Variants in ACVR1C observed in about 807,000 individuals in gnomAD.
ACVR1C encodes activin receptor type-1C.
A neutral mutation model predicts 57.9 loss-of-function variants in ACVR1C; 23 were observed. The ratio of observed to expected loss-of-function variants is 0.40; its 90% CI spans 0.29 to 0.56. ACVR1C has a LOEUF of 0.56. Ranked by LOEUF, ACVR1C falls within the 20% of genes least tolerant of loss-of-function variation. The probability of loss-of-function intolerance (pLI) is 0.50; values close to 1 mark genes in which losing one functional copy is unlikely to be tolerated. For synonymous variants in ACVR1C, 214 were observed against 215.3 expected (o/e 0.99, Z 0.05); for missense variants, 480 against 607.9 (o/e 0.79, Z 2.21).
intron 1 of ACVR1C, among the ~76,000 whole-genome samples, chr2:157,602,756 T>C (rs917319425): frequency 2.0e-5 from 3 of 152,302 alleles, no homozygotes; most frequent in South Asian, 2.1e-4. Flanking sequence ...TCAATTTTTA[T>C]ATATGCATTG....
intron 5 of ACVR1C, 68 bp downstream of exon 5, chr2:157,544,377 T>A: frequency 7.0e-7 from 1 of 1,419,226 alleles, no homozygotes; most frequent in East Asian, 2.5e-5. Flanking sequence ...TCCTAATAAA[T>A]TAAAATATAA....
rs1338899119 is a variant in ACVR1C, at chr2:157,628,682, G to C, written c.-38C>G. The C allele has an allele frequency of 2.7e-6, 4 of 1,507,466 alleles. No individual in the cohort carries two copies. The South Asian group carries it at 3.8e-5, about 14-fold the overall frequency. 93.4% of individuals were successfully genotyped at this position (1,507,466 alleles called of 1,614,324 possible). A position where few individuals can be genotyped will look rare whatever the true frequency, so the allele number is the denominator to read the frequency against. ...GCCGCGCCGGGGCTGCGAGGCCCCA[G>C]AGCAGAGCGAGGCAGCCGGGGCAGC... On this transcript the variant is annotated 5_prime_UTR_variant, in exon 1 of 9. Transcript: ENST00000243349.
intron 1 of ACVR1C, among the ~76,000 whole-genome samples, chr2:157,619,057 G>A (rs914357180): frequency 2.0e-4 from 31 of 151,778 alleles, no homozygotes; most frequent in African/African-American, 7.2e-4. Flanking sequence ...TGACCTAAAT[G>A]ACACTTACAG....
intron 1 of ACVR1C, among the ~76,000 whole-genome samples, chr2:157,608,788 G>A (rs1461552555): frequency 6.6e-6 from 1 of 151,670 alleles, no homozygotes; most frequent in Non-Finnish European, 1.5e-5. Context: ...AGTCTCTGAT[G>A]GTCTTTTGTA....
intron 2 of ACVR1C, among the ~76,000 whole-genome samples, chr2:157,578,974 A>G (rs930378176): frequency 6.6e-6 from 1 of 152,242 alleles, no homozygotes; most frequent in Non-Finnish European, 1.5e-5. Flanking sequence ...ACTTAACATT[A>G]TATTCAATTA....
chr2:157,619,233 C>G (rs1263571380), intron 1 of ACVR1C, among the ~76,000 whole-genome samples: 2 of 149,720 alleles, frequency 1.3e-5, no homozygotes, highest in African/African-American at 4.9e-5. Flanking sequence ...AAGTAGAATT[C>G]TGTAAAAAAA....
intron 2 of ACVR1C, among the ~76,000 whole-genome samples, chr2:157,561,727 C>A (rs1573920939): frequency 6.6e-6 from 1 of 152,318 alleles, no homozygotes; most frequent in African/African-American, 2.4e-5. Flanking sequence ...CCTCCCTTAA[C>A]CTGCCACTTC....
At chr2:157,559,409 G>A (rs1446146043) in intron 2 of ACVR1C, among the ~76,000 whole-genome samples, 2 of 151,546 alleles carry the variant, frequency 1.3e-5, no homozygotes, top group Non-Finnish European at 2.9e-5. Context: ...CCCTAGGGGG[G>A]ATAAATGAAA....
chr2:157,565,710 G>A (rs1039288762), intron 2 of ACVR1C, among the ~76,000 whole-genome samples: 11 of 152,168 alleles, frequency 7.2e-5, no homozygotes, highest in Admixed American at 3.9e-4. Context: ...GTCTATAAAC[G>A]GCTATTTGCA....
chr2:157,584,720 G>T (rs1267979130), intron 2 of ACVR1C, among the ~76,000 whole-genome samples: 1 of 152,144 alleles, frequency 6.6e-6, no homozygotes, highest in Admixed American at 6.5e-5. Context: ...ATGTGACCCT[G>T]CAATTCCACT....
intron 1 of ACVR1C, among the ~76,000 whole-genome samples, chr2:157,600,389 A>G (rs1364714269): frequency 5.9e-5 from 9 of 152,248 alleles, no homozygotes; most frequent in Admixed American, 5.2e-4. Context: ...GTTCCAAACT[A>G]AAAGCTAAGA....
chr2:157,540,352 A>G (rs965299479), intron 7 of ACVR1C, among the ~76,000 whole-genome samples: 3 of 151,400 alleles, frequency 2.0e-5, no homozygotes, highest in African/African-American at 4.9e-5. Context: ...TCTTCCTCTC[A>G]TTATTAAGTA....
At position 157,533,880 on chromosome 2, in the gene ACVR1C, A is replaced by G; in HGVS notation, c.*38T>C. Reference sequence around the variant, plus strand: ...CACATAAAGGGGAAAATGGAAAAGAAAGCTATGAGAGATTTCTTTTTAACA... The same window carrying G: ...CACATAAAGGGGAAAATGGAAAAGAGAGCTATGAGAGATTTCTTTTTAACA... On this transcript the variant is annotated 3_prime_UTR_variant, in exon 9 of 9. Transcript: ENST00000243349. 1.3e-6 allele frequency: 2 copies of G among 1,496,048 alleles called. No homozygotes were observed. The highest frequency in any genetic ancestry group is 1.8e-6 in the Non-Finnish European group (2 of 1,126,178). The allele number at this position is 1,496,048 out of a possible 1,614,324, so 92.7% of individuals were successfully genotyped here. A position where few individuals can be genotyped will look rare whatever the true frequency, so the allele number is the denominator to read the frequency against.
intron 3 of ACVR1C, among the ~76,000 whole-genome samples, 199 bp from the exon 4 acceptor site, chr2:157,550,591 T>A (rs1687890499): frequency 6.6e-6 from 1 of 152,230 alleles, no homozygotes; most frequent in Admixed American, 6.5e-5. Flanking sequence ...ATTATGAATA[T>A]GAATTTGTCT....
At chr2:157,580,352 C>T (rs1688761737) in intron 2 of ACVR1C, among the ~76,000 whole-genome samples, 1 of 151,846 alleles carries the variant, frequency 6.6e-6, no homozygotes, top group African/African-American at 2.4e-5. Flanking sequence ...ATCTTTTTTT[C>T]TAAATTTTTC....
chr2:157,603,207 A>G (rs1395858327), intron 1 of ACVR1C, among the ~76,000 whole-genome samples: 1 of 152,194 alleles, frequency 6.6e-6, no homozygotes, highest in Non-Finnish European at 1.5e-5. Context: ...CCTACGCTAC[A>G]TGGAAACTTA....
chr2:157,585,365 A>T lies in ACVR1C; in HGVS notation c.304+1822T>A, dbSNP rs535370095. ...TTATACCTAAATTAGACCTTAATAC[A>T]GTTGATTTTTGAAAAAGAAAGACTG... On this transcript the variant is annotated intron_variant, in intron 2 of 8. Coordinates refer to ENST00000243349, the MANE Select transcript of ACVR1C (RefSeq NM_145259.3). Among the ~76,000 whole-genome samples, 6 of 152,288 alleles carry T rather than the reference A, an allele frequency of 3.9e-5. No homozygotes were observed. The South Asian group carries it at 1.2e-3, about 32-fold the overall frequency.
At chr2:157,549,243 T>C (rs1687849777) in intron 4 of ACVR1C, among the ~76,000 whole-genome samples, 1 of 152,136 alleles carries the variant, frequency 6.6e-6, no homozygotes, top group African/African-American at 2.4e-5. Flanking sequence ...TAGTTCCAGC[T>C]ACTTGGGATT....
At chr2:157,562,596 A>G (rs868376179) in intron 2 of ACVR1C, among the ~76,000 whole-genome samples, 1 of 152,042 alleles carries the variant, frequency 6.6e-6, no homozygotes, top group Non-Finnish European at 1.5e-5. Context: ...ATTGAAAAGG[A>G]GGGACTCCTC....
Sources: gnomAD v4.1 joint callset for allele counts (sites outside exome capture counted in the v4.1 genomes callset) on GRCh38, gnomAD v4.1.1 for gene constraint, MANE v1.5 for transcripts, NCBI Gene and HGNC (gene_info 2026-07-23, HGNC 2026-07-21) for gene names.